The following RBFOX1 variants were observed in gnomAD, a reference collection of about 807,000 sequenced individuals.
RBFOX1 encodes RNA binding fox-1 homolog 1.
A neutral mutation model predicts 57.7 loss-of-function variants in RBFOX1; 8 were observed. The ratio of observed to expected loss-of-function variants is 0.14; its 90% CI spans 0.08 to 0.25. RBFOX1 has a LOEUF of 0.25. Ranked by LOEUF, RBFOX1 falls within the 10% of genes least tolerant of loss-of-function variation. The pLI is 1.00. For synonymous variants in RBFOX1, 326 were observed against 222.4 expected, an observed-to-expected ratio of 1.47 and a Z score of -4.15; for missense variants, 611 against 548.5, an observed-to-expected ratio of 1.11 and a Z score of -1.14.
chr16:6,160,978 TC>T (rs2096874219), intron 1 of RBFOX1, among the ~76,000 whole-genome samples: 1 of 152,332 alleles, frequency 6.6e-6, no homozygotes, highest in South Asian at 2.1e-4. Flanking sequence ...TATCTCTCCT[TC>T]TTCCTACCGA....
chr16:7,347,999 C>G (rs2097051002), intron 4 of RBFOX1, among the ~76,000 whole-genome samples: 1 of 152,222 alleles, frequency 6.6e-6, no homozygotes, highest in Non-Finnish European at 1.5e-5. Context: ...TGGTGCCAGT[C>G]TTAACGAGCA....
intron 3 of RBFOX1, among the ~76,000 whole-genome samples, chr16:6,939,851 G>C (rs1460791258): frequency 2.6e-5 from 4 of 152,140 alleles, no homozygotes; most frequent in African/African-American, 9.7e-5. Flanking sequence ...GCTGGTGGAA[G>C]ATACATGTCA....
chr16:7,036,218 A>G (rs1354724455), intron 3 of RBFOX1, among the ~76,000 whole-genome samples: 1 of 145,660 alleles, frequency 6.9e-6, no homozygotes. Context: ...TTTTTTTTCC[A>G]TGACAGCCTT....
chr16:6,739,312 A>G (rs1424412128), intron 3 of RBFOX1, among the ~76,000 whole-genome samples: 1 of 152,122 alleles, frequency 6.6e-6, no homozygotes, highest in Non-Finnish European at 1.5e-5. Context: ...CCCTGCAGAC[A>G]TTAAAAGGAT....
At chr16:5,688,365 C>T (rs1333874981) in intron 3 of RBFOX1, among the ~76,000 whole-genome samples, 1 of 152,254 alleles carries the variant, frequency 6.6e-6, no homozygotes. Flanking sequence ...TTTTGACTTA[C>T]AGGCTACTGC....
intron 1 of RBFOX1, among the ~76,000 whole-genome samples, chr16:5,460,123 G>A (rs1404272328): frequency 1.3e-5 from 2 of 152,090 alleles, no homozygotes; most frequent in African/African-American, 4.8e-5. Context: ...TGTAAAGTCG[G>A]CATGTTTTTA....
At chr16:5,480,061 C>G (rs537223614) in intron 2 of RBFOX1, among the ~76,000 whole-genome samples, 1 of 152,300 alleles carries the variant, frequency 6.6e-6, no homozygotes, top group East Asian at 1.9e-4. Flanking sequence ...TGCATCCAGG[C>G]TTGCTGGGCT....
chr16:6,961,135 T>TCACACCCACTCACACACA (rs2082895024), intron 3 of RBFOX1, among the ~76,000 whole-genome samples: 1 of 25,918 alleles, frequency 3.9e-5, no homozygotes. Flanking sequence ...AGAGACTCCA[T>TCACACCCACTCACACACA]CACACACACC....
intron 3 of RBFOX1, among the ~76,000 whole-genome samples, chr16:5,741,914 G>A (rs945459876): frequency 6.6e-6 from 1 of 152,236 alleles, no homozygotes; most frequent in East Asian, 1.9e-4. Flanking sequence ...TACTGCATAT[G>A]GTAGTTCCAG....
chr16:7,631,578 A>C (rs1236692182), intron 11 of RBFOX1, among the ~76,000 whole-genome samples: 1 of 152,166 alleles, frequency 6.6e-6, no homozygotes, highest in Non-Finnish European at 1.5e-5. Context: ...GAGTTGCCGT[A>C]ACTGCAGAAT....
chr16:5,849,788 C>G (rs1410300008), intron 3 of RBFOX1, among the ~76,000 whole-genome samples: 1 of 152,138 alleles, frequency 6.6e-6, no homozygotes, highest in Non-Finnish European at 1.5e-5. Context: ...TCTCTCTTCC[C>G]ACGTCTTTGG....
chr16:6,112,643 A>G (rs1434878466), intron 1 of RBFOX1, among the ~76,000 whole-genome samples: 2 of 152,132 alleles, frequency 1.3e-5, no homozygotes, highest in African/African-American at 2.4e-5. Context: ...GTGAGCTGAG[A>G]TCGTGCCATT....
intron 5 of RBFOX1, among the ~76,000 whole-genome samples, chr16:7,543,549 C>T (rs1339177603): frequency 6.6e-6 from 1 of 151,886 alleles, no homozygotes; most frequent in Non-Finnish European, 1.5e-5. Context: ...GTGTGTGTAC[C>T]CCTGTGGTGA....
At chr16:7,139,059 C>G (rs1048785995) in intron 4 of RBFOX1, among the ~76,000 whole-genome samples, 69 of 152,242 alleles carry the variant, frequency 4.5e-4, no homozygotes, top group African/African-American at 1.6e-3. Context: ...CTTCCTTGCC[C>G]TCCCAAAGTG....
chr16:7,233,303 G>C lies in RBFOX1; in HGVS notation c.27+181205G>C, dbSNP rs2093605770. Among the ~76,000 whole-genome samples the C allele has an allele frequency of 2.0e-5, 3 of 150,728 alleles. No individual in the cohort carries two copies. The South Asian group carries it at 6.3e-4, about 32-fold the overall frequency. On this transcript the variant is annotated intron_variant, in intron 4 of 15. Transcript: ENST00000550418. ...CCAAGTGAAAAGTCACCTCTTCAAA[G>C]ACCTTTTCTATTTAAAAGAATTATC...
At chr16:7,248,133 G>T (rs893184110) in intron 4 of RBFOX1, among the ~76,000 whole-genome samples, 1 of 152,230 alleles carries the variant, frequency 6.6e-6, no homozygotes, top group Non-Finnish European at 1.5e-5. Context: ...AAAGACTTCA[G>T]AGGGAGATGG....
At chr16:5,653,926 C>G (rs540468986) in intron 3 of RBFOX1, among the ~76,000 whole-genome samples, 2 of 152,278 alleles carry the variant, frequency 1.3e-5, no homozygotes, top group East Asian at 1.9e-4. Flanking sequence ...AGTGTCTGCT[C>G]GTCTATTCTC....
intron 3 of RBFOX1, among the ~76,000 whole-genome samples, chr16:6,783,621 T>A (rs1254166789): frequency 1.3e-5 from 2 of 152,226 alleles, no homozygotes; most frequent in South Asian, 4.1e-4. Flanking sequence ...GTTGTAGTTA[T>A]TATTATTTTT....
rs2098445918 is a variant in RBFOX1 at position 6,637,196 on chromosome 16, ATT to A, written c.-63-17406_-63-17405del. ...ATATATTATATAATATACAATATAT[ATT>A]ATATATTATATATATTATATAATAT... is the stretch of plus-strand genomic sequence containing the variant. On this transcript the variant is annotated intron_variant, in intron 2 of 15. Coordinates refer to ENST00000550418, the MANE Select transcript of RBFOX1 (RefSeq NM_018723.4). 2.7e-5 allele frequency among the ~76,000 whole-genome samples: 2 copies of A among 73,828 alleles called. 1 individual carries two copies. The highest frequency in any genetic ancestry group is 1.2e-4 in the African/African-American group (2 of 16,600). 48.4% of individuals were successfully genotyped at this position (73,828 alleles called of 152,430 possible).
Sources: allele counts gnomAD v4.1 joint callset (sites outside exome capture counted in the v4.1 genomes callset), GRCh38; gene constraint gnomAD v4.1.1; transcripts MANE v1.5; gene names NCBI Gene and HGNC (gene_info 2026-07-23, HGNC 2026-07-21).